Variants in RHCE observed in about 807,000 individuals in gnomAD.
RHCE encodes the protein blood group Rh(CE) polypeptide.
In RHCE, 22 loss-of-function variants were observed where a neutral mutation model predicts 43.8. That is an observed-to-expected ratio of 0.50 (90% CI 0.36 to 0.72). The LOEUF is 0.72. RHCE is among the 30% of genes least tolerant of loss of function. The probability of loss-of-function intolerance (pLI) is 0.00; values close to 1 mark genes in which losing one functional copy is unlikely to be tolerated. For synonymous variants in RHCE, 156 were observed against 210.7 expected (o/e 0.74, Z 2.25); for missense variants, 385 against 525.4 (o/e 0.73, Z 2.61).
chr1:25,426,681 T>A (rs866078314), intron 2 of RHCE, among the ~76,000 whole-genome samples: 1 of 152,186 alleles, frequency 6.6e-6, no homozygotes, highest in Non-Finnish European at 1.5e-5. Flanking sequence ...CTGACTTCCA[T>A]GGTAAGGATA....
chr1:25,391,676 C>T (rs1013164599), intron 4 of RHCE, among the ~76,000 whole-genome samples: 1 of 152,156 alleles, frequency 6.6e-6, no homozygotes, highest in East Asian at 1.9e-4. Flanking sequence ...TGTTCCTTCA[C>T]TCCTGGGCCC....
At chr1:25,415,557 CAGG>C (rs1305802736) in intron 1 of RHCE, among the ~76,000 whole-genome samples, 3 of 152,030 alleles carry the variant, frequency 2.0e-5, no homozygotes, top group Admixed American at 1.3e-4. Flanking sequence ...GAGGCTGAGG[CAGG>C]AGAATTACTT....
chr1:25,408,719 T>C lies in RHCE; in HGVS notation c.299A>G (p.Gln100Arg), dbSNP rs1646985725. The change falls in exon 2 of 10, where the codon CAG becomes CGG. Residue 100 changes from glutamine (Q) to arginine (R), a missense_variant. By Grantham distance (43) the Gln-to-Arg change is conservative. Coordinates refer to ENST00000294413, the MANE Select transcript of RHCE (RefSeq NM_020485.8). ...GATGACCACCTTCCCAGGAGGGAACTGGCTCAGGAAGCCGTCCAGCAGGAT... is the reference window on the plus strand; with the variant it reads ...GATGACCACCTTCCCAGGAGGGAACCGGCTCAGGAAGCCGTCCAGCAGGAT... ...WAILLDGFLS[Q>R]FPPGKVVITL... The C allele has an allele frequency of 3.9e-6, 5 of 1,282,562 alleles. No homozygotes were observed. In the African/African-American group the frequency reaches 6.9e-5, roughly 18 times the overall value. The allele number at this position is 1,282,562 out of a possible 1,614,324, so 79.4% of individuals were successfully genotyped here. A position where few individuals can be genotyped will look rare whatever the true frequency, so the allele number is the denominator to read the frequency against.
At position 25,369,078 on chromosome 1, in the gene RHCE, T is replaced by C. The variant is rs568815207; in HGVS notation, c.1227+1389A>G. On this transcript the variant is annotated intron_variant, in intron 9 of 9. Coordinates refer to ENST00000294413, the MANE Select transcript of RHCE (RefSeq NM_020485.8). ...ACCCAGCCTAAATATGTACAATTGA[T>C]TGTATGCCAGTTACACCTCAAAAAG... Among the ~76,000 whole-genome samples, 7 of 151,830 alleles carry C rather than the reference T, an allele frequency of 4.6e-5. No homozygotes were observed. The South Asian group carries it at 1.5e-3, about 32-fold the overall frequency.
At position 25,373,970 on chromosome 1, in the gene RHCE, A is replaced by G. The variant is rs559936078; in HGVS notation, c.1153+1379T>C. Among the ~76,000 whole-genome samples the G allele has an allele frequency of 2.3e-4, 34 of 150,972 alleles. 2 individuals are homozygous for G. The highest frequency in any genetic ancestry group is 7.4e-4 in the African/African-American group (30 of 40,720). ...CGAGTAGCTGGGACTACAGGCACAC[A>G]CCACCACGCCTGGCTAATTTTTGTA... On this transcript the variant is annotated intron_variant, in intron 8 of 9. Coordinates refer to ENST00000294413, the MANE Select transcript of RHCE (RefSeq NM_020485.8).
chr1:25,427,174 T>C lies in RHCE; in HGVS notation c.-40+1779A>G, dbSNP rs183140336. Among the ~76,000 whole-genome samples the C allele has an allele frequency of 8.5e-5, 13 of 152,310 alleles. No homozygotes were observed. The East Asian group carries it at 2.1e-3, about 25-fold the overall frequency. The stretch of plus-strand genomic sequence containing the variant: ...GGGCAGGAACAAAGCTCAAGACAGC[T>C]AGTGGGCTTGCGGGGATTGAACGGG... On this transcript the variant is annotated intron_variant, in intron 2 of 11. Coordinates refer to the RHCE transcript ENST00000349320.
intron 3 of RHCE, among the ~76,000 whole-genome samples, chr1:25,392,372 C>A (rs1244694488): frequency 2.0e-5 from 3 of 152,162 alleles, no homozygotes; most frequent in African/African-American, 7.2e-5. Flanking sequence ...CGCGATTCTC[C>A]TGCCTCAGCT....
At chr1:25,430,157 G>C (rs1044212906) in exon 1 of RHCE, 3 of 151,966 alleles carry the variant, frequency 2.0e-5, no homozygotes, top group Non-Finnish European at 2.9e-5. Context: ...TGTGGACGTG[G>C]AGCCCGGGCC....
At chr1:25,377,590 A>C (rs1645828372) in intron 7 of RHCE, among the ~76,000 whole-genome samples, 1 of 152,166 alleles carries the variant, frequency 6.6e-6, no homozygotes, top group Non-Finnish European at 1.5e-5. Context: ...TGTTCAAAAG[A>C]CACCATTAAG....
intron 3 of RHCE, among the ~76,000 whole-genome samples, chr1:25,392,727 T>G (rs1417070747): frequency 6.6e-6 from 1 of 151,944 alleles, no homozygotes; most frequent in African/African-American, 2.4e-5. Context: ...TGCACAACCA[T>G]GCCTGGCCAA....
In RHCE at chr1:25,370,553, A is replaced by G. The variant is rs762532969; in HGVS notation, c.1154-13T>C. Reference sequence around the variant, plus strand: ...TTTAGGAGCAAACCTGTTTAAATGCATAATTTAATGTTAAAAGATTTGGAG... The same window carrying G: ...TTTAGGAGCAAACCTGTTTAAATGCGTAATTTAATGTTAAAAGATTTGGAG... On this transcript the variant is annotated splice_polypyrimidine_tract_variant and intron_variant, in intron 8 of 9. Transcript: ENST00000294413. The G allele has an allele frequency of 2.5e-5, 39 of 1,590,750 alleles. No homozygotes were observed. The highest frequency in any genetic ancestry group is 3.1e-5 in the Non-Finnish European group (36 of 1,160,212).
chr1:25,386,609 T>G (rs561007387), intron 6 of RHCE, among the ~76,000 whole-genome samples: 2 of 152,246 alleles, frequency 1.3e-5, no homozygotes, highest in Admixed American at 6.5e-5. Flanking sequence ...TCACCTGAAG[T>G]CAAGAGTTCA....
At chr1:25,362,620 G>C (rs371374321) in intron 9 of RHCE, 67 bp from the exon 10 acceptor site, 2 of 1,046,010 alleles carry the variant, frequency 1.9e-6, no homozygotes, top group South Asian at 1.3e-5. Context: ...TTGATCTCTT[G>C]AAACAGCCTA....
chr1:25,417,029 A>G (rs1401648356), intron 1 of RHCE, among the ~76,000 whole-genome samples: 4 of 151,560 alleles, frequency 2.6e-5, no homozygotes, highest in Non-Finnish European at 5.9e-5. Context: ...GTCACATGAG[A>G]CCAATCTTGT....
intron 7 of RHCE, among the ~76,000 whole-genome samples, chr1:25,380,537 C>A (rs188309534): frequency 1.3e-5 from 2 of 152,342 alleles, no homozygotes; most frequent in East Asian, 1.9e-4. Context: ...GTTCACAGCA[C>A]CCTTTGAAAT....
At chr1:25,414,922 C>T (rs1647265225) in intron 1 of RHCE, among the ~76,000 whole-genome samples, 1 of 152,142 alleles carries the variant, frequency 6.6e-6, no homozygotes, top group South Asian at 2.1e-4. Context: ...TAAAAGGTTG[C>T]TATTTTAAGC....
intron 3 of RHCE, among the ~76,000 whole-genome samples, chr1:25,395,067 G>A (rs550359348): frequency 2.1e-5 from 3 of 145,188 alleles, no homozygotes; most frequent in East Asian, 3.9e-4. Context: ...TAAAGCAATC[G>A]TTATGAAGAC....
At chr1:25,392,828 G>A (rs1646421295) in intron 3 of RHCE, among the ~76,000 whole-genome samples, 1 of 151,968 alleles carries the variant, frequency 6.6e-6, no homozygotes, top group Admixed American at 6.6e-5. Context: ...CTCCCAAAGT[G>A]CTGAGATTAC....
At chr1:25,422,714 CA>C (rs1443313697), upstream of RHCE, among the ~76,000 whole-genome samples, 1 of 152,198 alleles carries the variant, frequency 6.6e-6, no homozygotes, top group Non-Finnish European at 1.5e-5. Context: ...TAGCCTAGAT[CA>C]GGGGTCCCCA....
Sources: allele counts gnomAD v4.1 joint callset (sites outside exome capture counted in the v4.1 genomes callset), GRCh38; gene constraint gnomAD v4.1.1; transcripts MANE v1.5; gene names NCBI Gene and HGNC (gene_info 2026-07-23, HGNC 2026-07-21).